Variants in PRDM2 observed in about 807,000 individuals in gnomAD.
PRDM2 encodes the protein PR/SET domain 2.
PRDM2 carries 30 observed loss-of-function variants against 130.0 expected under a neutral mutation model. The ratio of observed to expected loss-of-function variants is 0.23; its 90% CI spans 0.17 to 0.31. The LOEUF (loss-of-function observed/expected upper bound fraction) is 0.31. Ranked by LOEUF, PRDM2 falls within the 10% of genes least tolerant of loss-of-function variation. PRDM2 has a pLI of 1.00. For missense variants in PRDM2, 2,011 were observed against 2,108.4 expected (o/e 0.95, Z 0.90); for synonymous variants, 871 against 782.4 (o/e 1.11, Z -1.89).
At chr1:13,701,137 G>A (rs1195058535) in intron 1 of PRDM2, among the ~76,000 whole-genome samples, 1 of 152,136 alleles carries the variant, frequency 6.6e-6, no homozygotes, top group Non-Finnish European at 1.5e-5. Flanking sequence ...TAACTACGCA[G>A]CTGAAATTTC....
At chr1:13,783,001 A>G in intron 8 of PRDM2, 170 bp downstream of exon 8, 1 of 1,415,662 alleles carries the variant, frequency 7.1e-7, no homozygotes, top group African/African-American at 1.5e-5. Flanking sequence ...GCTTTTAGAG[A>G]TGAATAAATA....
At position 13,781,409 on chromosome 1, in the gene PRDM2, A is replaced by G. The variant is rs1447865633; in HGVS notation, c.3614A>G (p.Asn1205Ser). The change falls in exon 8 of 10, where the codon AAT (asparagine) becomes AGT (serine). Residue 1205 changes from asparagine (N) to serine (S), a missense_variant. Asn to Ser is a conservative substitution (Grantham distance 46). Around this residue, in one of 5 missense-constraint regions of PRDM2, gnomAD observed 229 missense variants for 364.1 expected, o/e 0.63. Coordinates refer to ENST00000311066, the MANE Select transcript of PRDM2 (RefSeq NM_001393986.1). The surrounding 1 kb of genome is among the most constrained non-coding windows in gnomAD (Gnocchi z 6.1). ...AAAAAAGAATTTGCTTTTTTGTGCA[A>G]TTTGCAGCAGCACCAGCGAGATCTC... ...VCKKEFAFLCNLQQHQRDLHP... is the reference protein window; with the variant it reads ...VCKKEFAFLCSLQQHQRDLHP... 1.9e-6 allele frequency: 3 copies of G among 1,579,476 alleles called. No homozygotes were observed. The highest frequency in any genetic ancestry group is 1.4e-5 in the African/African-American group (1 of 73,002).
At chr1:13,791,331 A>G (rs542473738) in intron 8 of PRDM2, among the ~76,000 whole-genome samples, 22 of 152,278 alleles carry the variant, frequency 1.4e-4, no homozygotes, top group African/African-American at 4.8e-4. Flanking sequence ...TTCTACCCCC[A>G]TCACAGACCA....
At chr1:13,753,669 A>G (rs1008840739) in intron 6 of PRDM2, among the ~76,000 whole-genome samples, 5 of 152,342 alleles carry the variant, frequency 3.3e-5, no homozygotes, top group Non-Finnish European at 5.9e-5. Flanking sequence ...ATAGGCAGTA[A>G]GGACTATTGA....
At chr1:13,786,520 TC>T (rs1436524636) in intron 8 of PRDM2, 1 of 1,610,724 alleles carries the variant, frequency 6.2e-7, no homozygotes, top group Non-Finnish European at 8.5e-7. Flanking sequence ...TCTAGGAACT[TC>T]CTGTAGAAAA....
chr1:13,779,246 C>T lies in PRDM2; in HGVS notation c.1451C>T (p.Pro484Leu), dbSNP rs141226308. ...EENGEVKELH[P>L]CKYCKKVFGT... ...AATGGGGAAGTTAAAGAACTTCATCCGTGCAAATATTGTAAAAAGGTTTTT... is the reference window on the plus strand; with the variant it reads ...AATGGGGAAGTTAAAGAACTTCATCTGTGCAAATATTGTAAAAAGGTTTTT... Residue 484 changes from proline (P) to leucine (L), a missense_variant, in exon 8 of 10, where the codon CCG (proline) becomes CTG (leucine). Around this residue, in one of 5 missense-constraint regions of PRDM2, gnomAD observed 1,288 missense variants for 1,237.7 expected, o/e 1.04. Transcript: ENST00000311066. The surrounding 1 kb of genome is among the most constrained non-coding windows in gnomAD (Gnocchi z 4.9). The T allele has an allele frequency of 1.4e-5, 23 of 1,613,956 alleles. 1 individual carries two copies. The highest frequency in any genetic ancestry group is 4.4e-5 in the South Asian group (4 of 91,076).
At chr1:13,783,428 C>T (rs1644667546) in intron 8 of PRDM2, among the ~76,000 whole-genome samples, 1 of 152,156 alleles carries the variant, frequency 6.6e-6, no homozygotes. Context: ...GTAAACAAGT[C>T]AGGATCTGGA....
intron 1 of PRDM2, among the ~76,000 whole-genome samples, chr1:13,713,532 C>G (rs913682500): frequency 2.0e-5 from 3 of 152,114 alleles, no homozygotes; most frequent in African/African-American, 4.8e-5. Flanking sequence ...ATGATGATAC[C>G]GATGATTCTT....
chr1:13,799,196 C>T (rs1449735717), intron 8 of PRDM2, among the ~76,000 whole-genome samples: 1 of 152,178 alleles, frequency 6.6e-6, no homozygotes, highest in African/African-American at 2.4e-5. Flanking sequence ...GTAATCCTAG[C>T]ACTTTGGGAG....
chr1:13,737,699 G>A (rs1044566197), intron 4 of PRDM2, among the ~76,000 whole-genome samples: 1 of 152,144 alleles, frequency 6.6e-6, no homozygotes, highest in Admixed American at 6.5e-5. Flanking sequence ...GACAGACAAG[G>A]ACATTGAAGT....
chr1:13,786,287 A>G (rs1055095018), intron 8 of PRDM2, among the ~76,000 whole-genome samples: 9 of 152,062 alleles, frequency 5.9e-5, no homozygotes, highest in African/African-American at 1.9e-4. Context: ...AAAAAGTGCT[A>G]ATTTCTCATG....
chr1:13,769,017 T>C, intron 6 of PRDM2: 1 of 524,840 alleles, frequency 1.9e-6, no homozygotes. Context: ...GATGTATTCA[T>C]TTCTTTTCCT....
chr1:13,758,341 G>T (rs1206709634), intron 6 of PRDM2, among the ~76,000 whole-genome samples: 2 of 151,662 alleles, frequency 1.3e-5, no homozygotes, highest in East Asian at 3.9e-4. Context: ...TAGCTACTCG[G>T]GAGGCTGAGG....
intron 4 of PRDM2, among the ~76,000 whole-genome samples, chr1:13,735,565 GTT>G (rs1330597508): frequency 6.0e-5 from 9 of 151,148 alleles, no homozygotes; most frequent in Non-Finnish European, 1.3e-4. Flanking sequence ...ACACTTAGTT[GTT>G]TTTGGAGCAG....
intron 6 of PRDM2, among the ~76,000 whole-genome samples, chr1:13,763,083 G>A (rs1003029807): frequency 3.3e-5 from 5 of 152,160 alleles, no homozygotes; most frequent in African/African-American, 4.8e-5. Context: ...TTCAAATGCC[G>A]TTGCTTAGTC....
intron 8 of PRDM2, chr1:13,786,891 G>A (rs574932396): frequency 1.9e-6 from 2 of 1,032,748 alleles, no homozygotes; most frequent in South Asian, 4.3e-5. Context: ...TGCAAAGCAA[G>A]TTGCCTGTTT....
chr1:13,786,200 G>A (rs188624951), intron 8 of PRDM2, among the ~76,000 whole-genome samples: 34 of 151,926 alleles, frequency 2.2e-4, no homozygotes, highest in African/African-American at 7.7e-4. Flanking sequence ...AGTTCCCATC[G>A]CAGTCAAGAA....
chr1:13,755,206 C>T (rs1485430427), intron 6 of PRDM2, among the ~76,000 whole-genome samples: 1 of 152,046 alleles, frequency 6.6e-6, no homozygotes, highest in African/African-American at 2.4e-5. Context: ...CGTTTTGTGC[C>T]TTTGATTCTT....
chr1:13,726,471 G>A (rs1302508577), intron 2 of PRDM2, among the ~76,000 whole-genome samples: 1 of 152,138 alleles, frequency 6.6e-6, no homozygotes, highest in Non-Finnish European at 1.5e-5. Flanking sequence ...TCATGAGGAG[G>A]GGGTCCTAGC....
Sources: gnomAD v4.1 joint callset for allele counts (sites outside exome capture counted in the v4.1 genomes callset) on GRCh38, gnomAD v4.1.1 for gene constraint, gnomAD v4.1.1 regional missense constraint, Gnocchi (gnomAD v3.1) non-coding constraint, MANE v1.5 for transcripts, NCBI Gene and HGNC (gene_info 2026-07-23, HGNC 2026-07-21) for gene names.